ITGAD: variants seen among roughly 807,000 people sequenced by gnomAD.
ITGAD encodes the protein integrin alpha-D.
Under a neutral mutation model 139.0 loss-of-function variants are expected in ITGAD, and 105 were observed. That is an observed-to-expected ratio of 0.76 (90% CI 0.65 to 0.89). The LOEUF is 0.89. Among genes scored for constraint, ITGAD ranks in the 40% least tolerant of loss-of-function variants. The probability of loss-of-function intolerance (pLI) is 0.00; values close to 1 mark genes in which losing one functional copy is unlikely to be tolerated. For synonymous variants in ITGAD, 569 were observed against 598.3 expected (o/e 0.95, Z 0.71); for missense variants, 1,384 against 1,487.3 (o/e 0.93, Z 1.14).
rs1267535693 is a variant in ITGAD, at chr16:31,416,212, G to T, written c.2284-1G>T. ...GAACAGAATATACTATTTTGCTGCA[G>T]CTCCCCTTCGAGAAGAACTGTGGGC... On this transcript the variant is annotated splice_acceptor_variant, in intron 18 of 29. Transcript: ENST00000389202. LOFTEE classifies it high-confidence loss of function. 1 of 1,601,952 alleles carries T rather than the reference G, an allele frequency of 6.2e-7. No individual in the cohort carries two copies.
Position 31,411,519 on chromosome 16 carries a change from T to C in ITGAD, c.1707+2T>C, listed in dbSNP as rs2081714585. ...GGCATCAGCCCCTCCCACAGCCAGG[T>C]GAGGCCCGTCTTCAGCCTCTTTTAG... is the stretch of plus-strand genomic sequence containing the variant. On this transcript the variant is annotated splice_donor_variant, in intron 14 of 29. Transcript: ENST00000389202. LOFTEE classifies it high-confidence loss of function. 1 of 1,614,074 alleles carries C rather than the reference T, an allele frequency of 6.2e-7. No individual in the cohort carries two copies. The highest frequency in any genetic ancestry group is 8.5e-7 in the Non-Finnish European group (1 of 1,179,940).
rs763520017 is a variant in ITGAD, at chr16:31,393,347, C to T, written c.-14C>T. On this transcript the variant is annotated 5_prime_UTR_variant, in exon 1 of 30. In the 5' UTR this introduces an upstream ATG that the reference lacks. Transcript: ENST00000389202. ...TCCCCAACCTTCCACTTCCCCTCAA[C>T]GCGCTGCTCAGGGATGACCTTCGGC... 2.7e-5 allele frequency: 44 copies of T among 1,613,980 alleles called. No individual in the cohort carries two copies. Among genetic ancestry groups the T allele is most frequent in the Middle Eastern group, 1.6e-4 (1 of 6,084 alleles).
intron 21 of ITGAD, 40 bp from the exon 22 acceptor site, chr16:31,418,259 GCC>G (rs1567350084): frequency 6.2e-7 from 1 of 1,606,954 alleles, no homozygotes; most frequent in East Asian, 2.2e-5. Flanking sequence ...ACTCTGCCAT[GCC>G]CTTCCTTTTA....
chr16:31,403,627 C>T lies in ITGAD; in HGVS notation c.686C>T (p.Thr229Met), dbSNP rs144787223. ...VQLKGLTFTA[T>M]GILTVVTQLF... Reference sequence around the variant, plus strand: ...CTGAAAGGCCTGACGTTCACGGCCACGGGCATCCTGACAGTGGTGTAAGCA... The same window carrying T: ...CTGAAAGGCCTGACGTTCACGGCCATGGGCATCCTGACAGTGGTGTAAGCA... The change falls in exon 7 of 30, where the codon ACG becomes ATG. Residue 229 changes from threonine to methionine, a missense_variant. Physicochemically the swap from Thr to Met is moderately conservative, Grantham distance 81. Transcript: ENST00000389202. The surrounding 1 kb of genome is among the most constrained non-coding windows in gnomAD (Gnocchi z 4.4). 26 of 1,614,122 alleles carry T rather than the reference C, an allele frequency of 1.6e-5. No homozygotes were observed. In the Admixed American group the frequency reaches 3.5e-4, roughly 22 times the overall value.
rs934686467 is a variant in ITGAD at position 31,394,148 on chromosome 16, A to G, written c.32-88A>G. The G allele has an allele frequency of 3.2e-5, 25 of 776,868 alleles. No individual in the cohort carries two copies. The East Asian group carries it at 5.2e-4, about 16-fold the overall frequency. The allele number at this position is 776,868 out of a possible 1,614,324, so 48.1% of individuals were successfully genotyped here. On this transcript the variant is annotated intron_variant, in intron 1 of 29. Coordinates refer to ENST00000389202, the MANE Select transcript of ITGAD (RefSeq NM_005353.3). ...TCCATCTCAAAAAAAAAAAAAAAAA[A>G]AAGAAAAAAAAGAAAAAGAGGCTGG...
At chr16:31,397,564 G>A (rs1192845180) in intron 3 of ITGAD, 32 bp from the exon 4 acceptor site, 2 of 1,605,188 alleles carry the variant, frequency 1.2e-6, no homozygotes, top group Non-Finnish European at 8.5e-7. Flanking sequence ...AGTGTGTGCT[G>A]TGAGTGAGAC....
intron 29 of ITGAD, 118 bp from the exon 30 acceptor site, chr16:31,425,897 T>A (rs1443679045): frequency 3.1e-6 from 2 of 637,328 alleles, no homozygotes; most frequent in Non-Finnish European, 5.7e-6. Context: ...GCCAGGCTGG[T>A]CTCCAGCTCC....
intron 29 of ITGAD, among the ~76,000 whole-genome samples, chr16:31,425,280 A>G (rs567342130): frequency 9.9e-4 from 150 of 152,152 alleles, no homozygotes; most frequent in African/African-American, 3.5e-3. Flanking sequence ...CATGTTGGTC[A>G]GATTGGTCTC....
At chr16:31,419,702 T>C (rs1390265058) in intron 23 of ITGAD, among the ~76,000 whole-genome samples, 1 of 148,962 alleles carries the variant, frequency 6.7e-6, no homozygotes, top group African/African-American at 2.5e-5. Context: ...TCCCAGCTAC[T>C]GGGGAGGTTA....
At chr16:31,416,905 C>T (rs2081902867) in intron 20 of ITGAD, among the ~76,000 whole-genome samples, 1 of 151,948 alleles carries the variant, frequency 6.6e-6, no homozygotes, top group South Asian at 2.1e-4. Flanking sequence ...CCCTGTTTAC[C>T]TTTCCCCATC....
At chr16:31,406,237 G>A (rs1311171328) in intron 7 of ITGAD, among the ~76,000 whole-genome samples, 2 of 151,952 alleles carry the variant, frequency 1.3e-5, no homozygotes, top group South Asian at 2.1e-4. Context: ...ACCATACCTG[G>A]CTAATTTTTG....
chr16:31,419,294 T>C (rs1348090014), intron 23 of ITGAD, among the ~76,000 whole-genome samples: 2 of 152,218 alleles, frequency 1.3e-5, no homozygotes, highest in African/African-American at 4.8e-5. Context: ...CTCCTAATGA[T>C]GTCATAGCAG....
At chr16:31,414,704 T>C in intron 17 of ITGAD, 99 bp downstream of exon 17, 1 of 1,566,784 alleles carries the variant, frequency 6.4e-7, no homozygotes, top group Non-Finnish European at 8.7e-7. Context: ...AGGGTTAGGA[T>C]GTTGGGGCTG....
intron 18 of ITGAD, among the ~76,000 whole-genome samples, chr16:31,415,699 C>T (rs2081867758): frequency 6.6e-6 from 1 of 152,290 alleles, no homozygotes; most frequent in South Asian, 2.1e-4. Context: ...TCCCCGTTTT[C>T]CCCCGAAGCT....
At chr16:31,411,584 C>G (rs2081717536) in intron 14 of ITGAD, 67 bp downstream of exon 14, 7 of 1,451,686 alleles carry the variant, frequency 4.8e-6, no homozygotes, top group Non-Finnish European at 5.8e-6. Context: ...CTGAACGCAG[C>G]CTCCTGTCTC....
chr16:31,403,221 C>A lies in ITGAD; in HGVS notation c.559-279C>A. ...TGGTGTGGTGGCTCACACCTGTAAT[C>A]CCAGCACTTTGGGAGGCTGAGGTGG... On this transcript the variant is annotated intron_variant, in intron 6 of 29. Transcript: ENST00000389202. The surrounding 1 kb of genome is among the most constrained non-coding windows in gnomAD (Gnocchi z 4.4). The A allele has an allele frequency of 2.9e-6, 1 of 344,342 alleles. No individual in the cohort carries two copies. The highest frequency in any genetic ancestry group is 2.1e-5 in the African/African-American group (1 of 47,380). The allele number at this position is 344,342 out of a possible 1,614,324, so 21.3% of individuals were successfully genotyped here. A position where few individuals can be genotyped will look rare whatever the true frequency, so the allele number is the denominator to read the frequency against.
At chr16:31,406,793 G>T (rs2142707273) in intron 7 of ITGAD, among the ~76,000 whole-genome samples, 1 of 152,292 alleles carries the variant, frequency 6.6e-6, no homozygotes. Context: ...ACTCAGCCAG[G>T]CCAGGTCCAG....
At chr16:31,419,771 G>C (rs1225497103) in intron 23 of ITGAD, among the ~76,000 whole-genome samples, 1 of 143,816 alleles carries the variant, frequency 7.0e-6, no homozygotes, top group African/African-American at 2.7e-5. Flanking sequence ...AGATCGCGCT[G>C]CTGCATGCCA....
chr16:31,398,711 C>T lies in ITGAD; in HGVS notation c.427+802C>T, dbSNP rs1258158432. 2.0e-5 allele frequency among the ~76,000 whole-genome samples: 3 copies of T among 152,094 alleles called. No individual in the cohort carries two copies. The East Asian group carries it at 5.8e-4, about 29-fold the overall frequency. On this transcript the variant is annotated intron_variant, in intron 5 of 29. Coordinates refer to ENST00000389202, the MANE Select transcript of ITGAD (RefSeq NM_005353.3). Reference sequence around the variant, plus strand: ...TGTTACCCAGCCTGGTCTTGAACTCCTGGGCTCAAGTAATCCTCTGCCACA... The same window carrying T: ...TGTTACCCAGCCTGGTCTTGAACTCTTGGGCTCAAGTAATCCTCTGCCACA...
Sources: allele counts gnomAD v4.1 joint callset (sites outside exome capture counted in the v4.1 genomes callset), GRCh38; gene constraint gnomAD v4.1.1; non-coding constraint Gnocchi (gnomAD v3.1); transcripts MANE v1.5; gene names NCBI Gene and HGNC (gene_info 2026-07-23, HGNC 2026-07-21).